Variants in SLC1A2 observed in about 807,000 individuals in gnomAD.
The protein encoded by SLC1A2 is solute carrier family 1 member 2.
SLC1A2 carries 15 observed loss-of-function variants against 48.8 expected under a neutral mutation model. The ratio of observed to expected loss-of-function variants is 0.31; its 90% CI spans 0.21 to 0.47. The LOEUF (loss-of-function observed/expected upper bound fraction) is 0.47. Ranked by LOEUF, SLC1A2 falls within the 20% of genes least tolerant of loss-of-function variation. SLC1A2 has a pLI of 0.99. For synonymous variants in SLC1A2, 279 were observed against 272.6 expected (o/e 1.02, Z -0.23); for missense variants, 502 against 730.5 (o/e 0.69, Z 3.61).
At chr11:35,313,976 C>T (rs1851788471) in intron 3 of SLC1A2, among the ~76,000 whole-genome samples, 1 of 152,162 alleles carries the variant, frequency 6.6e-6, no homozygotes, top group Non-Finnish European at 1.5e-5. Context: ...GGCTGGTACC[C>T]AAATATGGAC....
intron 5 of SLC1A2, among the ~76,000 whole-genome samples, chr11:35,301,847 C>T (rs1172616053): frequency 1.3e-5 from 2 of 152,122 alleles, no homozygotes; most frequent in African/African-American, 4.8e-5. Context: ...GAACACTTTC[C>T]ACATGAGCAA....
At chr11:35,268,998 C>A (rs966758248) in intron 9 of SLC1A2, among the ~76,000 whole-genome samples, 1 of 152,162 alleles carries the variant, frequency 6.6e-6, no homozygotes, top group Non-Finnish European at 1.5e-5. Flanking sequence ...GTTTGCATCC[C>A]CCCAAAATTC....
intron 1 of SLC1A2, among the ~76,000 whole-genome samples, chr11:35,405,703 A>T (rs963903421): frequency 3.9e-5 from 6 of 152,192 alleles, no homozygotes; most frequent in Admixed American, 6.5e-5. Context: ...GACATGAATG[A>T]CTGTGACAAA....
chr11:35,372,669 AC>A, intron 1 of SLC1A2, among the ~76,000 whole-genome samples: 1 of 152,360 alleles, frequency 6.6e-6, no homozygotes, highest in Middle Eastern at 3.4e-3. Context: ...CAAGGTAATT[AC>A]AGTAGGTTAT....
At chr11:35,416,284 G>A (rs935178226) in intron 1 of SLC1A2, among the ~76,000 whole-genome samples, 1 of 152,188 alleles carries the variant, frequency 6.6e-6, no homozygotes, top group African/African-American at 2.4e-5. Context: ...CCAGTAATCT[G>A]CACCAGCCAT....
intron 9 of SLC1A2, among the ~76,000 whole-genome samples, chr11:35,266,709 T>G (rs1382017118): frequency 6.6e-6 from 1 of 151,994 alleles, no homozygotes; most frequent in African/African-American, 2.4e-5. Flanking sequence ...AAAAAAAAGT[T>G]AAAAAAATTA....
At chr11:35,292,581 C>T (rs1851045904) in intron 6 of SLC1A2, 61 bp from the exon 7 acceptor site, 6 of 1,031,630 alleles carry the variant, frequency 5.8e-6, no homozygotes, top group Middle Eastern at 4.1e-4. Context: ...AGAACCTGGG[C>T]CTCCTCTGTA....
chr11:35,336,653 A>G (rs1228666579), intron 1 of SLC1A2, among the ~76,000 whole-genome samples: 1 of 152,204 alleles, frequency 6.6e-6, no homozygotes, highest in Non-Finnish European at 1.5e-5. Flanking sequence ...ATGACCTAGT[A>G]AGCATCAGAA....
At chr11:35,309,707 CAGA>C in intron 4 of SLC1A2, among the ~76,000 whole-genome samples, 1 of 145,196 alleles carries the variant, frequency 6.9e-6, no homozygotes, top group East Asian at 2.0e-4. Context: ...CTCATGGACA[CAGA>C]AGATGTCTCT....
intron 1 of SLC1A2, among the ~76,000 whole-genome samples, chr11:35,337,302 C>A (rs1334707245): frequency 6.6e-6 from 1 of 152,100 alleles, no homozygotes; most frequent in Admixed American, 6.6e-5. Flanking sequence ...TGCCAGCATG[C>A]TAAGCGAATA....
chr11:35,296,990 G>T (rs935775787), intron 6 of SLC1A2, among the ~76,000 whole-genome samples: 4 of 151,734 alleles, frequency 2.6e-5, no homozygotes, highest in African/African-American at 9.7e-5. Context: ...TATCTCACCA[G>T]TACCTAAAAT....
At chr11:35,333,995 C>G (rs999407930) in intron 1 of SLC1A2, among the ~76,000 whole-genome samples, 1 of 152,064 alleles carries the variant, frequency 6.6e-6, no homozygotes, top group Admixed American at 6.6e-5. Context: ...CTTAAGTAAA[C>G]TTCAATGCAC....
chr11:35,273,771 G>T (rs1233675180), intron 9 of SLC1A2, among the ~76,000 whole-genome samples: 1 of 152,236 alleles, frequency 6.6e-6, no homozygotes, highest in African/African-American at 2.4e-5. Context: ...GGAGAATGGG[G>T]AGGCTGGTAT....
At position 35,258,409 on chromosome 11, in the gene SLC1A2, G is replaced by T. The variant is rs1442255965; in HGVS notation, c.*2485C>A. Reference sequence around the variant, plus strand: ...GTTGAAGACAAAACACACCGGAAAGGTTTCAGGCAGAGTTCTGAGAAGAGA... The same window carrying T: ...GTTGAAGACAAAACACACCGGAAAGTTTTCAGGCAGAGTTCTGAGAAGAGA... On this transcript the variant is annotated 3_prime_UTR_variant, in exon 11 of 11. Transcript: ENST00000278379. 4 of 152,460 alleles carry T rather than the reference G, an allele frequency of 2.6e-5. No homozygotes were observed. The highest frequency in any genetic ancestry group is 5.9e-5 in the Non-Finnish European group (4 of 68,040). 9.4% of individuals were successfully genotyped at this position (152,460 alleles called of 1,614,324 possible).
intron 1 of SLC1A2, among the ~76,000 whole-genome samples, chr11:35,372,838 A>C (rs1565284398): frequency 6.6e-6 from 1 of 152,246 alleles, no homozygotes; most frequent in Non-Finnish European, 1.5e-5. Context: ...AACCATTCTA[A>C]GCCCTTCATT....
At chr11:35,372,146 A>T (rs1854083099) in intron 1 of SLC1A2, among the ~76,000 whole-genome samples, 1 of 152,186 alleles carries the variant, frequency 6.6e-6, no homozygotes, top group South Asian at 2.1e-4. Context: ...AGGGATGGAG[A>T]GGGCAAGGGA....
intron 10 of SLC1A2, among the ~76,000 whole-genome samples, chr11:35,264,519 C>G (rs1950448367): frequency 6.6e-6 from 1 of 152,182 alleles, no homozygotes; most frequent in Non-Finnish European, 1.5e-5. Flanking sequence ...TCATGACACT[C>G]TGACTTTGAC....
intron 1 of SLC1A2, among the ~76,000 whole-genome samples, chr11:35,372,202 C>T (rs1440723264): frequency 6.6e-6 from 1 of 152,206 alleles, no homozygotes; most frequent in Non-Finnish European, 1.5e-5. Flanking sequence ...GCCCCTTGGC[C>T]TCTCTTGTCT....
chr11:35,304,734 A>C (rs1318650379), intron 5 of SLC1A2, among the ~76,000 whole-genome samples: 2 of 152,230 alleles, frequency 1.3e-5, no homozygotes, highest in East Asian at 3.9e-4. Flanking sequence ...ATGGCTAAGG[A>C]GTAGGCTTAC....
Sources: gnomAD v4.1 joint callset for allele counts (sites outside exome capture counted in the v4.1 genomes callset) on GRCh38, gnomAD v4.1.1 for gene constraint, MANE v1.5 for transcripts, NCBI Gene and HGNC (gene_info 2026-07-23, HGNC 2026-07-21) for gene names.